BCKDHB: variants seen among roughly 807,000 people sequenced by gnomAD.
BCKDHB encodes the protein branched chain keto acid dehydrogenase E1 subunit beta.
In BCKDHB, 41 loss-of-function variants were observed where a neutral mutation model predicts 48.5. That is an observed-to-expected ratio of 0.85 (90% CI 0.66 to 1.10). The LOEUF (loss-of-function observed/expected upper bound fraction) is 1.10, where lower values mean the gene tolerates loss of function less well. Ranked by LOEUF, BCKDHB falls within the 50% of genes least tolerant of loss-of-function variation. The pLI is 0.00. For synonymous variants in BCKDHB, 201 were observed against 174.8 expected (o/e 1.15, Z -1.18); for missense variants, 496 against 494.2 (o/e 1.00, Z -0.03).
intron 6 of BCKDHB, among the ~76,000 whole-genome samples, chr6:80,192,364 C>T (rs1773938957): frequency 6.6e-6 from 1 of 151,002 alleles, no homozygotes; most frequent in African/African-American, 2.4e-5. Context: ...TTTTTTTGCG[C>T]CAGTTTTCCA....
chr6:80,267,466 A>G (rs1454769644), intron 8 of BCKDHB, among the ~76,000 whole-genome samples: 1 of 152,064 alleles, frequency 6.6e-6, no homozygotes, highest in East Asian at 1.9e-4. Flanking sequence ...TGCGGGGACC[A>G]GGGAGAAAGA....
intron 3 of BCKDHB, among the ~76,000 whole-genome samples, chr6:80,142,561 A>T (rs1771276046): frequency 6.6e-6 from 1 of 152,068 alleles, no homozygotes; most frequent in Non-Finnish European, 1.5e-5. Flanking sequence ...AACATATAAA[A>T]ATAATACAAA....
At chr6:80,459,828 T>A in the BCKDHB span, among the ~76,000 whole-genome samples, 1 of 152,140 alleles carries the variant, frequency 6.6e-6, no homozygotes, top group African/African-American at 2.4e-5. Flanking sequence ...AGGTTGAATG[T>A]CAAGCTTATG....
chr6:80,370,347 T>C, the BCKDHB span, among the ~76,000 whole-genome samples: 1 of 152,176 alleles, frequency 6.6e-6, no homozygotes, highest in South Asian at 2.1e-4. Flanking sequence ...AAATAAACTA[T>C]CTAAGGGCCT....
intron 3 of BCKDHB, among the ~76,000 whole-genome samples, chr6:80,140,675 G>C (rs946700923): frequency 6.6e-6 from 1 of 152,066 alleles, no homozygotes; most frequent in African/African-American, 2.4e-5. Flanking sequence ...TGGTGGATAA[G>C]CTTTTTGATG....
chr6:80,141,623 C>T (rs893551757), intron 3 of BCKDHB, among the ~76,000 whole-genome samples: 1 of 151,818 alleles, frequency 6.6e-6, no homozygotes, highest in Non-Finnish European at 1.5e-5. Flanking sequence ...ATGTGAGCAC[C>T]AATAGGGGCT....
At chr6:80,232,041 A>G (rs1027785403) in intron 8 of BCKDHB, among the ~76,000 whole-genome samples, 2 of 152,156 alleles carry the variant, frequency 1.3e-5, no homozygotes, top group South Asian at 4.1e-4. Context: ...AACCTTTTAA[A>G]ATTTATTCTG....
At chr6:80,400,990 C>A in the BCKDHB span, among the ~76,000 whole-genome samples, 1 of 146,858 alleles carries the variant, frequency 6.8e-6, no homozygotes, top group South Asian at 2.1e-4. Context: ...CATATGTTCT[C>A]ATTTATAAGT....
At chr6:80,232,458 C>T (rs1459353171) in intron 8 of BCKDHB, among the ~76,000 whole-genome samples, 2 of 151,690 alleles carry the variant, frequency 1.3e-5, no homozygotes, top group Admixed American at 6.6e-5. Flanking sequence ...TTTTTCCAAA[C>T]ATCTCATCTT....
the BCKDHB span, among the ~76,000 whole-genome samples, chr6:80,460,102 T>C: frequency 6.6e-6 from 1 of 152,160 alleles, no homozygotes; most frequent in Non-Finnish European, 1.5e-5. Context: ...ATATCCTTAC[T>C]AAATATACAT....
At chr6:80,123,076 A>T (rs1244848096) in intron 1 of BCKDHB, among the ~76,000 whole-genome samples, 4 of 145,146 alleles carry the variant, frequency 2.8e-5, no homozygotes, top group African/African-American at 1.0e-4. Flanking sequence ...ATGTCCGTTT[A>T]TAGGCTCTCT....
intron 8 of BCKDHB, chr6:80,251,847 T>G (rs1776852091): frequency 6.6e-6 from 1 of 152,200 alleles, no homozygotes; most frequent in African/African-American, 2.4e-5. Flanking sequence ...GAACATGAGC[T>G]GTGTACAAAT....
chr6:80,289,131 G>A (rs775087264), intron 9 of BCKDHB, among the ~76,000 whole-genome samples: 2 of 152,042 alleles, frequency 1.3e-5, no homozygotes, highest in Non-Finnish European at 2.9e-5. Context: ...ATATTTCCTT[G>A]CTTTTTGTGA....
At chr6:80,330,257 G>C (rs751629658) in intron 9 of BCKDHB, among the ~76,000 whole-genome samples, 6 of 152,116 alleles carry the variant, frequency 3.9e-5, no homozygotes, top group Non-Finnish European at 5.9e-5. Context: ...CACCAGTGTG[G>C]CATCTAGTGG....
chr6:80,107,520 T>TATATATGCACAC (rs1334468937), intron 1 of BCKDHB, among the ~76,000 whole-genome samples: 17 of 131,686 alleles, frequency 1.3e-4, no homozygotes, highest in East Asian at 1.0e-3. Context: ...TGCGCATATA[T>TATATATGCACAC]ATATATATGC....
At chr6:80,455,583 C>G in the BCKDHB span, among the ~76,000 whole-genome samples, 10 of 150,888 alleles carry the variant, frequency 6.6e-5, no homozygotes, top group African/African-American at 2.4e-4. Context: ...CTTTTCTTCA[C>G]TGTTATTTCA....
At chr6:80,139,183 A>T (rs1399678124) in intron 3 of BCKDHB, among the ~76,000 whole-genome samples, 10 of 151,984 alleles carry the variant, frequency 6.6e-5, no homozygotes, top group East Asian at 5.8e-4. Context: ...GTTTGAGTTC[A>T]TTGTAGATTC....
the BCKDHB span, among the ~76,000 whole-genome samples, chr6:80,449,181 CT>C: frequency 5.3e-5 from 8 of 152,158 alleles, no homozygotes; most frequent in Admixed American, 5.2e-4. Context: ...GATTCCTCCT[CT>C]CTTTCTTTTT....
At chr6:80,254,521 C>A (rs1039792609) in intron 8 of BCKDHB, among the ~76,000 whole-genome samples, 1 of 151,956 alleles carries the variant, frequency 6.6e-6, no homozygotes, top group Non-Finnish European at 1.5e-5. Flanking sequence ...CATAGTGAGA[C>A]CCCATCTCTA....
Sources: allele counts gnomAD v4.1 joint callset (sites outside exome capture counted in the v4.1 genomes callset), GRCh38; gene constraint gnomAD v4.1.1; transcripts MANE v1.5; gene names NCBI Gene and HGNC (gene_info 2026-07-23, HGNC 2026-07-21).